The following CADPS2 variants were observed in gnomAD, a reference collection of about 807,000 sequenced individuals.
CADPS2 encodes the protein calcium dependent secretion activator 2.
Under a neutral mutation model 172.5 loss-of-function variants are expected in CADPS2, and 93 were observed. That is an observed-to-expected ratio of 0.54 (90% confidence interval 0.46 to 0.64). CADPS2 has a LOEUF of 0.64. Among genes scored for constraint, CADPS2 ranks in the 30% least tolerant of loss-of-function variants. The pLI is 0.00. For missense variants in CADPS2, 1,420 were observed against 1,565.9 expected (o/e 0.91, Z 1.57); for synonymous variants, 546 against 555.2 (o/e 0.98, Z 0.23).
chr7:122,451,547 TATTTA>T, intron 14 of CADPS2, 72 bp from the exon 15 acceptor site: 1 of 834,194 alleles, frequency 1.2e-6, no homozygotes, highest in African/African-American at 1.8e-5. Context: ...TACATATGTA[TATTTA>T]AAAATCCAAG....
intron 1 of CADPS2, among the ~76,000 whole-genome samples, chr7:122,858,145 A>G (rs1453548974): frequency 6.6e-6 from 1 of 152,014 alleles, no homozygotes; most frequent in Non-Finnish European, 1.5e-5. Flanking sequence ...CGATTGGTCC[A>G]TTTTACATAG....
chr7:122,632,154 G>A (rs1022463982), intron 3 of CADPS2, among the ~76,000 whole-genome samples: 7 of 152,260 alleles, frequency 4.6e-5, no homozygotes, highest in Middle Eastern at 3.4e-3. Context: ...TCATTAGTGT[G>A]TCAATGACCA....
At chr7:122,623,488 T>G (rs1587916779) in intron 4 of CADPS2, among the ~76,000 whole-genome samples, 1 of 152,210 alleles carries the variant, frequency 6.6e-6, no homozygotes, top group Admixed American at 6.5e-5. Context: ...TATTATTTAT[T>G]ATTGATTAAA....
At chr7:122,790,026 G>GT (rs771290127) in intron 1 of CADPS2, among the ~76,000 whole-genome samples, 5 of 141,076 alleles carry the variant, frequency 3.5e-5, no homozygotes, top group East Asian at 2.1e-4. Flanking sequence ...CAAATATTAA[G>GT]TGTTTTTTTT....
At chr7:122,806,062 A>T (rs1276584267) in intron 1 of CADPS2, among the ~76,000 whole-genome samples, 5 of 152,232 alleles carry the variant, frequency 3.3e-5, no homozygotes, top group African/African-American at 9.6e-5. Flanking sequence ...GAAAATATAA[A>T]TAAGAAGTAC....
chr7:122,443,044 C>T (rs927412208), intron 15 of CADPS2, among the ~76,000 whole-genome samples: 2 of 152,296 alleles, frequency 1.3e-5, no homozygotes, highest in Admixed American at 1.3e-4. Flanking sequence ...GTAGTCCCCT[C>T]CCCCTGCTTA....
At chr7:122,512,130 T>C (rs1473146257) in intron 9 of CADPS2, among the ~76,000 whole-genome samples, 2 of 152,158 alleles carry the variant, frequency 1.3e-5, no homozygotes, top group African/African-American at 4.8e-5. Context: ...GCCATGTAGA[T>C]AAAACTACTT....
chr7:122,818,306 T>G (rs1584602673), intron 1 of CADPS2, among the ~76,000 whole-genome samples: 2 of 152,104 alleles, frequency 1.3e-5, no homozygotes, highest in African/African-American at 4.8e-5. Flanking sequence ...TTGACCCCAA[T>G]ACAAACTCGA....
At chr7:122,825,522 G>A (rs1804633214) in intron 1 of CADPS2, among the ~76,000 whole-genome samples, 1 of 152,152 alleles carries the variant, frequency 6.6e-6, no homozygotes, top group Non-Finnish European at 1.5e-5. Flanking sequence ...GCAATAGAAA[G>A]ATTGACCAAA....
intron 8 of CADPS2, among the ~76,000 whole-genome samples, chr7:122,546,777 A>G (rs992180937): frequency 6.6e-6 from 1 of 152,124 alleles, no homozygotes; most frequent in Non-Finnish European, 1.5e-5. Context: ...TTGCTTGCTT[A>G]GTCCATTCCT....
At chr7:122,377,910 C>T (rs530532394) in intron 25 of CADPS2, among the ~76,000 whole-genome samples, 19 of 152,028 alleles carry the variant, frequency 1.2e-4, no homozygotes, top group African/African-American at 4.3e-4. Flanking sequence ...TAAGACATGC[C>T]ATGAGATAAT....
At chr7:122,803,768 G>C (rs1011962989) in intron 1 of CADPS2, among the ~76,000 whole-genome samples, 1 of 152,126 alleles carries the variant, frequency 6.6e-6, no homozygotes, top group Non-Finnish European at 1.5e-5. Flanking sequence ...CATGATACAA[G>C]TCAAATGCAG....
At chr7:122,698,807 AAAC>A (rs2085568274) in intron 2 of CADPS2, 1 of 1,613,838 alleles carries the variant, frequency 6.2e-7, no homozygotes, top group Non-Finnish European at 8.5e-7. Flanking sequence ...TAAGCCATCC[AAAC>A]AACACTTGCT....
At chr7:122,630,375 G>C (rs1192994613) in intron 3 of CADPS2, among the ~76,000 whole-genome samples, 1 of 145,394 alleles carries the variant, frequency 6.9e-6, no homozygotes, top group African/African-American at 2.6e-5. Flanking sequence ...TATATGAAGA[G>C]TCAAAAAAAA....
At chr7:122,803,372 T>C (rs572495751) in intron 1 of CADPS2, among the ~76,000 whole-genome samples, 1 of 152,172 alleles carries the variant, frequency 6.6e-6, no homozygotes, top group Admixed American at 6.5e-5. Flanking sequence ...GAACAAAACC[T>C]CCCTAAATTC....
intron 2 of CADPS2, chr7:122,698,031 G>C: frequency 1.2e-6 from 2 of 1,613,530 alleles, no homozygotes; most frequent in African/African-American, 2.7e-5. Context: ...TATCACATTT[G>C]CAAATGGGGC....
At chr7:122,688,499 G>C (rs1282943882) in intron 2 of CADPS2, among the ~76,000 whole-genome samples, 1 of 152,186 alleles carries the variant, frequency 6.6e-6, no homozygotes, top group East Asian at 1.9e-4. Flanking sequence ...GGGAGACATA[G>C]GTAGATGAAA....
chr7:122,418,105 G>A (rs1275221810), intron 17 of CADPS2, among the ~76,000 whole-genome samples: 1 of 151,920 alleles, frequency 6.6e-6, no homozygotes. Flanking sequence ...GGGAGGCAGA[G>A]GTTGCAGTGA....
chr7:122,449,629 C>A (rs2052784911), intron 15 of CADPS2, among the ~76,000 whole-genome samples: 1 of 152,144 alleles, frequency 6.6e-6, no homozygotes, highest in Admixed American at 6.5e-5. Context: ...ATGCTTTCAA[C>A]AACAGCAAAT....
Sources: allele counts gnomAD v4.1 joint callset (sites outside exome capture counted in the v4.1 genomes callset), GRCh38; gene constraint gnomAD v4.1.1; transcripts MANE v1.5; gene names NCBI Gene and HGNC (gene_info 2026-07-23, HGNC 2026-07-21).